PPP2R2A: variants seen among roughly 807,000 people sequenced by gnomAD.
PPP2R2A encodes the protein serine/threonine-protein phosphatase 2A 55 kDa regulatory subunit B alpha isoform.
PPP2R2A carries 9 observed loss-of-function variants against 53.2 expected under a neutral mutation model. The ratio of observed to expected loss-of-function variants is 0.17; its 90% CI spans 0.10 to 0.30. The LOEUF (loss-of-function observed/expected upper bound fraction) is 0.30. PPP2R2A is among the 10% of genes least tolerant of loss of function. The probability of loss-of-function intolerance (pLI) is 1.00; values close to 1 mark genes in which losing one functional copy is unlikely to be tolerated. For synonymous variants in PPP2R2A, 169 were observed against 174.2 expected (o/e 0.97, Z 0.23); for missense variants, 235 against 534.6 (o/e 0.44, Z 5.53).
rs1585351981 is a variant in PPP2R2A at position 26,321,436 on chromosome 8, C to G, written c.83-17454C>G. 6.6e-6 allele frequency among the ~76,000 whole-genome samples: 1 copy of G among 152,210 alleles called. No individual in the cohort carries two copies. Among genetic ancestry groups the G allele is most frequent in the Non-Finnish European group, 1.5e-5 (1 of 68,038 alleles). ...TCTGGTATTTATGTCTCTGTGTAACCTTGTCCCTTTGAGTGTTTCTGGACC... is the reference window on the plus strand; with the variant it reads ...TCTGGTATTTATGTCTCTGTGTAACGTTGTCCCTTTGAGTGTTTCTGGACC... On this transcript the variant is annotated intron_variant, in intron 2 of 9. Transcript: ENST00000380737. The surrounding 1 kb of genome is among the most constrained non-coding windows in gnomAD (Gnocchi z 4.1).
intron 8 of PPP2R2A, among the ~76,000 whole-genome samples, chr8:26,364,143 T>G (rs1805252685): frequency 1.3e-5 from 2 of 152,224 alleles, no homozygotes; most frequent in Non-Finnish European, 2.9e-5. Flanking sequence ...TGACATTGTT[T>G]TTTTTTCTGC....
At chr8:26,319,598 C>T (rs1802732769) in intron 2 of PPP2R2A, among the ~76,000 whole-genome samples, 1 of 151,974 alleles carries the variant, frequency 6.6e-6, no homozygotes, top group Non-Finnish European at 1.5e-5. Flanking sequence ...TCCTAACTCT[C>T]ATGTTTTGAA....
In PPP2R2A at chr8:26,309,537, A is replaced by G. The variant is rs192045993; in HGVS notation, c.82+15797A>G. On this transcript the variant is annotated intron_variant, in intron 2 of 9. Coordinates refer to ENST00000380737, the MANE Select transcript of PPP2R2A (RefSeq NM_002717.4). ...GCCTGTTCTTTGAAGCTTTGAAGCC[A>G]GGCATCAGCTTCTCCTTTCCAGCTA... 2.0e-5 allele frequency among the ~76,000 whole-genome samples: 3 copies of G among 152,356 alleles called. No individual in the cohort carries two copies. In the East Asian group the frequency reaches 5.8e-4, roughly 29 times the overall value.
At chr8:26,323,536 A>G (rs909620860) in intron 2 of PPP2R2A, among the ~76,000 whole-genome samples, 16 of 152,232 alleles carry the variant, frequency 1.1e-4, no homozygotes, top group African/African-American at 3.9e-4. Flanking sequence ...GAGGTTACCA[A>G]GACCTCCTTC....
intron 3 of PPP2R2A, among the ~76,000 whole-genome samples, chr8:26,350,315 A>G (rs1422978631): frequency 6.6e-6 from 1 of 152,144 alleles, no homozygotes; most frequent in Non-Finnish European, 1.5e-5. Context: ...TGCCCGCCTC[A>G]GTCTCCCAAA....
chr8:26,345,404 T>C (rs558848012), intron 3 of PPP2R2A, among the ~76,000 whole-genome samples: 2 of 152,296 alleles, frequency 1.3e-5, no homozygotes, highest in African/African-American at 4.8e-5. Context: ...TCAGTAAATA[T>C]GGATAAGTGG....
intron 2 of PPP2R2A, among the ~76,000 whole-genome samples, chr8:26,314,012 T>C (rs1487461040): frequency 2.0e-5 from 3 of 152,242 alleles, no homozygotes; most frequent in Admixed American, 1.3e-4. Context: ...TTTTCTATTA[T>C]TGTTTTCTTT....
chr8:26,336,005 C>T (rs984741754), intron 2 of PPP2R2A, among the ~76,000 whole-genome samples: 3 of 152,222 alleles, frequency 2.0e-5, no homozygotes, highest in African/African-American at 7.2e-5. Context: ...CCTTCACCTT[C>T]CTCTTCCATT....
In PPP2R2A at chr8:26,360,754, A is replaced by G. The variant is rs1029638790; in HGVS notation, c.460-220A>G. 1.3e-4 allele frequency: 63 copies of G among 467,448 alleles called. No homozygotes were observed. Among genetic ancestry groups the G allele is most frequent in the Admixed American group, 3.7e-4 (9 of 24,108 alleles). 29.0% of individuals were successfully genotyped at this position (467,448 alleles called of 1,614,324 possible). Reference sequence around the variant, plus strand: ...TTGAAACTAAGAACTGCAAATTCTAATAGTATTGCAACCAGTAAAAGAAGA... The same window carrying G: ...TTGAAACTAAGAACTGCAAATTCTAGTAGTATTGCAACCAGTAAAAGAAGA... On this transcript the variant is annotated intron_variant, in intron 5 of 9. Transcript: ENST00000380737. This position sits in a 1 kb window ranked among gnomAD's most constrained non-coding sequence, Gnocchi z 4.5.
rs968491717 is a variant in PPP2R2A at position 26,354,530 on chromosome 8, A to G, written c.243A>G (p.Glu81=). The change falls in exon 4 of 10, where the codon GAA becomes GAG. Residue 81 remains glutamate (E), a synonymous_variant. Coordinates refer to ENST00000380737, the MANE Select transcript of PPP2R2A (RefSeq NM_002717.4). This position sits in a 1 kb window ranked among gnomAD's most constrained non-coding sequence, Gnocchi z 4.6. ...YNVYSTFQSH[E]PEFDYLKSLE... Reference sequence around the variant, plus strand: ...TTTACAGCACCTTCCAGAGCCATGAACCAGAGTTTGACTACTTGAAAAGTT... The same window carrying G: ...TTTACAGCACCTTCCAGAGCCATGAGCCAGAGTTTGACTACTTGAAAAGTT... The G allele has an allele frequency of 1.9e-6, 3 of 1,609,670 alleles. No individual in the cohort carries two copies. In the African/African-American group the frequency reaches 4.0e-5, roughly 22 times the overall value.
rs1019870392 is a variant in PPP2R2A at position 26,291,547 on chromosome 8, C to T, written c.-273C>T. On this transcript the variant is annotated 5_prime_UTR_variant, in exon 1 of 10. Coordinates refer to ENST00000380737, the MANE Select transcript of PPP2R2A (RefSeq NM_002717.4). ...CATTTTGAAAGTGGAGTCGCCTGCC[C>T]CTGCCGCTGCCGCCGCCGCCGTCGC... The T allele has an allele frequency of 2.4e-5, 13 of 530,908 alleles. No individual in the cohort carries two copies. In the East Asian group the frequency reaches 3.5e-4, roughly 14 times the overall value. 32.9% of individuals were successfully genotyped at this position (530,908 alleles called of 1,614,324 possible). A position where few individuals can be genotyped will look rare whatever the true frequency, so the allele number is the denominator to read the frequency against.
At chr8:26,348,662 C>G (rs933063773) in intron 3 of PPP2R2A, among the ~76,000 whole-genome samples, 1 of 152,132 alleles carries the variant, frequency 6.6e-6, no homozygotes, top group African/African-American at 2.4e-5. Context: ...TGTAAAAGCA[C>G]AATGGAGTTA....
In PPP2R2A at chr8:26,303,405, G is replaced by A. The variant is rs565851231; in HGVS notation, c.82+9665G>A. Among the ~76,000 whole-genome samples the A allele has an allele frequency of 7.9e-5, 12 of 152,242 alleles. No homozygotes were observed. In the South Asian group the frequency reaches 2.5e-3, roughly 32 times the overall value. ...GTGCCACTCCTAGGTTGCCTGCCTC[G>A]TCATTAGAAGTGAGTTGGTGACCTT... On this transcript the variant is annotated intron_variant, in intron 2 of 9. Coordinates refer to ENST00000380737, the MANE Select transcript of PPP2R2A (RefSeq NM_002717.4).
intron 2 of PPP2R2A, among the ~76,000 whole-genome samples, chr8:26,307,678 T>C (rs758331210): frequency 1.3e-5 from 2 of 152,226 alleles, no homozygotes; most frequent in African/African-American, 2.4e-5. Context: ...AAAAACAACT[T>C]TGATTATAAA....
intron 3 of PPP2R2A, among the ~76,000 whole-genome samples, chr8:26,343,115 A>G (rs1804029104): frequency 6.6e-6 from 1 of 152,096 alleles, no homozygotes; most frequent in Admixed American, 6.5e-5. Context: ...CGGAGGTTGC[A>G]GTGAGCTGAG....
Position 26,370,293 on chromosome 8 carries a change from A to G in PPP2R2A, c.1224A>G (p.Ile408Met). 1.9e-6 allele frequency: 3 copies of G among 1,614,220 alleles called. No homozygotes were observed. Among genetic ancestry groups the G allele is most frequent in the Non-Finnish European group, 2.5e-6 (3 of 1,180,020 alleles). The change falls in exon 10 of 10, where the codon ATA (isoleucine) becomes ATG (methionine). Residue 408 changes from isoleucine (I) to methionine (M), a missense_variant. By Grantham distance (10) the Ile-to-Met change is conservative. Around this residue, in one of 3 missense-constraint regions of PPP2R2A, gnomAD observed 181 missense variants for 409.9 expected, o/e 0.44. Coordinates refer to ENST00000380737, the MANE Select transcript of PPP2R2A (RefSeq NM_002717.4). The surrounding 1 kb of genome is among the most constrained non-coding windows in gnomAD (Gnocchi z 6.1). ...CASGKRKKDEISVDSLDFNKK... is the reference protein window; with the variant it reads ...CASGKRKKDEMSVDSLDFNKK... ...GTGGCAAGCGAAAGAAAGATGAAAT[A>G]AGTGTTGACAGCCTAGACTTCAATA...
chr8:26,355,694 C>G (rs1461601023), intron 4 of PPP2R2A, among the ~76,000 whole-genome samples: 1 of 151,974 alleles, frequency 6.6e-6, no homozygotes, highest in Non-Finnish European at 1.5e-5. Flanking sequence ...GAAACCGTGT[C>G]TCTACTAAAA....
At chr8:26,328,416 C>G (rs547603811) in intron 2 of PPP2R2A, among the ~76,000 whole-genome samples, 1 of 152,248 alleles carries the variant, frequency 6.6e-6, no homozygotes, top group African/African-American at 2.4e-5. Context: ...AATACCTGCA[C>G]TAAGTATTGC....
intron 2 of PPP2R2A, among the ~76,000 whole-genome samples, chr8:26,301,829 T>C (rs1356312804): frequency 6.6e-6 from 1 of 152,218 alleles, no homozygotes; most frequent in Non-Finnish European, 1.5e-5. Flanking sequence ...ATACATTGAC[T>C]TTGCAGCAGT....
Sources: allele counts gnomAD v4.1 joint callset (sites outside exome capture counted in the v4.1 genomes callset), GRCh38; gene constraint gnomAD v4.1.1; regional missense constraint gnomAD v4.1.1; non-coding constraint Gnocchi (gnomAD v3.1); transcripts MANE v1.5; gene names NCBI Gene and HGNC (gene_info 2026-07-23, HGNC 2026-07-21).